PTPRG: variants seen among roughly 807,000 people sequenced by gnomAD.
PTPRG encodes receptor-type tyrosine-protein phosphatase gamma.
Under a neutral mutation model 165.3 loss-of-function variants are expected in PTPRG, and 102 were observed. That is an observed-to-expected ratio of 0.62 (90% CI 0.53 to 0.73). The LOEUF is 0.73. PTPRG is among the 30% of genes least tolerant of loss of function. PTPRG has a pLI of 0.00. For missense variants in PTPRG, 1,866 were observed against 1,861.4 expected (o/e 1.00, Z -0.05); for synonymous variants, 675 against 669.5 (o/e 1.01, Z -0.13).
intron 16 of PTPRG, among the ~76,000 whole-genome samples, chr3:62,256,453 C>T (rs1277946380): frequency 2.0e-5 from 3 of 151,996 alleles, no homozygotes; most frequent in African/African-American, 4.8e-5. Flanking sequence ...ATTTATTCTA[C>T]GAAGTCATAT....
intron 2 of PTPRG, among the ~76,000 whole-genome samples, chr3:61,956,321 A>T (rs1339836118): frequency 6.6e-6 from 1 of 151,846 alleles, no homozygotes; most frequent in East Asian, 1.9e-4. Context: ...CTTACTACAT[A>T]TTCATACATT....
intron 2 of PTPRG, among the ~76,000 whole-genome samples, chr3:61,789,218 A>G (rs559710534): frequency 2.0e-5 from 3 of 151,588 alleles, no homozygotes; most frequent in South Asian, 4.2e-4. Context: ...TCCCATCTCA[A>G]CCTCTTGAGT....
intron 14 of PTPRG, among the ~76,000 whole-genome samples, chr3:62,239,905 T>C (rs1443424364): frequency 2.0e-5 from 3 of 152,216 alleles, no homozygotes; most frequent in Non-Finnish European, 4.4e-5. Context: ...GATATGCAGC[T>C]GCTTTTCTTA....
At chr3:61,790,723 C>A (rs1575665722) in intron 2 of PTPRG, among the ~76,000 whole-genome samples, 1 of 151,048 alleles carries the variant, frequency 6.6e-6, no homozygotes, top group African/African-American at 2.4e-5. Flanking sequence ...CCTTTCATTT[C>A]AGAAATTCTT....
chr3:61,952,012 G>C (rs929120071), intron 2 of PTPRG, among the ~76,000 whole-genome samples: 6 of 151,478 alleles, frequency 4.0e-5, no homozygotes, highest in African/African-American at 4.9e-5. Context: ...CAGCGACTTG[G>C]GAGGCTGAGG....
rs71100977 is a variant in PTPRG, at chr3:61,772,058, TA to T, written c.190+23101del. ...CTGGGTGACAGAGTAAGACTCTGTC[TA>T]AAAAAAAAAAAAAAAAAAAAAAAAG... On this transcript the variant is annotated intron_variant, in intron 2 of 29. Coordinates refer to ENST00000474889, the MANE Select transcript of PTPRG (RefSeq NM_002841.4). 2.0e-3 allele frequency among the ~76,000 whole-genome samples: 132 copies of T among 64,818 alleles called. 1 individual carries two copies. The highest frequency in any genetic ancestry group is 0.01 in the East Asian group (20 of 1,928). The allele number at this position is 64,818 out of a possible 152,430, so 42.5% of individuals were successfully genotyped here. A position where few individuals can be genotyped will look rare whatever the true frequency, so the allele number is the denominator to read the frequency against.
At position 62,016,820 on chromosome 3, in the gene PTPRG, T is replaced by C. The variant is rs747517039; in HGVS notation, c.519+13323T>C. On this transcript the variant is annotated intron_variant, in intron 4 of 29. Coordinates refer to ENST00000474889, the MANE Select transcript of PTPRG (RefSeq NM_002841.4). ...TCTCCCTCATTCACCCCCACACTTC[T>C]CTCCACCCTCTTTTCACTGGCTTTG... is the stretch of plus-strand genomic sequence containing the variant. 2.6e-5 allele frequency among the ~76,000 whole-genome samples: 4 copies of C among 152,226 alleles called. No homozygotes were observed. The South Asian group carries it at 6.2e-4, about 24-fold the overall frequency.
At chr3:61,563,276 G>A (rs1383536755) in intron 1 of PTPRG, among the ~76,000 whole-genome samples, 1 of 152,136 alleles carries the variant, frequency 6.6e-6, no homozygotes, top group Non-Finnish European at 1.5e-5. Context: ...GGCAGACCCA[G>A]TCTCGCTCCT....
At chr3:62,268,966 G>T (rs888308695) in intron 19 of PTPRG, 69 bp from the exon 20 acceptor site, 2 of 1,402,594 alleles carry the variant, frequency 1.4e-6, no homozygotes, top group African/African-American at 1.4e-5. Flanking sequence ...ATTGTCGTTT[G>T]AAATTACATT....
chr3:61,624,823 AG>A (rs1701562993), intron 1 of PTPRG, among the ~76,000 whole-genome samples: 1 of 152,130 alleles, frequency 6.6e-6, no homozygotes, highest in Admixed American at 6.6e-5. Context: ...TATCAAATAT[AG>A]GGATGTGTAT....
At chr3:62,107,536 G>T (rs1310470656) in intron 5 of PTPRG, among the ~76,000 whole-genome samples, 2 of 152,184 alleles carry the variant, frequency 1.3e-5, no homozygotes, top group Admixed American at 6.5e-5. Context: ...TGTATAAAAT[G>T]GGTTAAGACC....
rs1576238202 is a variant in PTPRG at position 62,294,262 on chromosome 3, C to G, written c.*955C>G. Reference sequence around the variant, plus strand: ...CTAGTCCTCTAAAAATTCCCTATTACTCCTATAGCAATCTAATAAAAACTA... The same window carrying G: ...CTAGTCCTCTAAAAATTCCCTATTAGTCCTATAGCAATCTAATAAAAACTA... On this transcript the variant is annotated 3_prime_UTR_variant, in exon 30 of 30. Coordinates refer to ENST00000474889, the MANE Select transcript of PTPRG (RefSeq NM_002841.4). 6.6e-6 allele frequency: 1 copy of G among 152,192 alleles called. No individual in the cohort carries two copies. The highest frequency in any genetic ancestry group is 1.9e-4 in the East Asian group (1 of 5,192). The allele number at this position is 152,192 out of a possible 1,614,324, so 9.4% of individuals were successfully genotyped here. A position where few individuals can be genotyped will look rare whatever the true frequency, so the allele number is the denominator to read the frequency against.
chr3:62,039,146 G>A (rs1185512365), intron 4 of PTPRG, among the ~76,000 whole-genome samples: 2 of 152,038 alleles, frequency 1.3e-5, no homozygotes, highest in Non-Finnish European at 2.9e-5. Flanking sequence ...TGTTGGCTAG[G>A]CTGCTCTTGA....
chr3:61,753,022 C>T (rs1490532744), intron 2 of PTPRG, among the ~76,000 whole-genome samples: 1 of 152,008 alleles, frequency 6.6e-6, no homozygotes, highest in Admixed American at 6.5e-5. Context: ...TTGTGAATAC[C>T]TGTAATTTTA....
At chr3:62,130,806 C>G (rs1703485835) in intron 5 of PTPRG, among the ~76,000 whole-genome samples, 1 of 152,174 alleles carries the variant, frequency 6.6e-6, no homozygotes, top group Non-Finnish European at 1.5e-5. Context: ...GTATTCTGTG[C>G]AGTTACCTTT....
chr3:61,913,749 C>A (rs896622098), intron 2 of PTPRG, among the ~76,000 whole-genome samples: 3 of 152,188 alleles, frequency 2.0e-5, no homozygotes, highest in African/African-American at 7.2e-5. Context: ...ACTAAGTCTG[C>A]ACCCATGGCT....
intron 1 of PTPRG, among the ~76,000 whole-genome samples, chr3:61,642,959 C>G (rs1347618694): frequency 6.6e-6 from 1 of 152,156 alleles, no homozygotes; most frequent in African/African-American, 2.4e-5. Context: ...CTTATAAAAA[C>G]AAATACAGCT....
chr3:62,216,307 G>C (rs1306092586), intron 12 of PTPRG, among the ~76,000 whole-genome samples: 3 of 152,082 alleles, frequency 2.0e-5, no homozygotes, highest in Non-Finnish European at 4.4e-5. Flanking sequence ...TTTTGGCCAA[G>C]AGTTCCTTTC....
At chr3:61,711,126 A>G (rs1356339431) in intron 1 of PTPRG, among the ~76,000 whole-genome samples, 3 of 152,164 alleles carry the variant, frequency 2.0e-5, no homozygotes, top group African/African-American at 4.8e-5. Flanking sequence ...GCTGCATAGT[A>G]TTCCATGGTG....
Sources: allele counts gnomAD v4.1 joint callset (sites outside exome capture counted in the v4.1 genomes callset), GRCh38; gene constraint gnomAD v4.1.1; transcripts MANE v1.5; gene names NCBI Gene and HGNC (gene_info 2026-07-23, HGNC 2026-07-21).